ENTPD1: variants seen among roughly 807,000 people sequenced by gnomAD.
ENTPD1 encodes the protein ATP diphosphohydrolase.
In ENTPD1, 33 loss-of-function variants were observed where a neutral mutation model predicts 57.0. That is an observed-to-expected ratio of 0.58 (90% CI 0.44 to 0.77). ENTPD1 has a LOEUF of 0.77. Among genes scored for constraint, ENTPD1 ranks in the 30% least tolerant of loss-of-function variants. The probability of loss-of-function intolerance (pLI) is 0.00; values close to 1 mark genes in which losing one functional copy is unlikely to be tolerated. For synonymous variants in ENTPD1, 202 were observed against 218.8 expected (o/e 0.92, Z 0.68); for missense variants, 501 against 603.4 (o/e 0.83, Z 1.78).
At chr10:95,820,119 C>T (rs1261010359) in intron 1 of ENTPD1, among the ~76,000 whole-genome samples, 2 of 152,162 alleles carry the variant, frequency 1.3e-5, no homozygotes, top group Non-Finnish European at 2.9e-5. Flanking sequence ...TCTTCTTTGG[C>T]ACCACTTCTG....
At chr10:95,837,111 C>T (rs1318260337) in intron 2 of ENTPD1, among the ~76,000 whole-genome samples, 2 of 152,184 alleles carry the variant, frequency 1.3e-5, no homozygotes, top group African/African-American at 4.8e-5. Flanking sequence ...TCTCAACTAC[C>T]TCACTGTGTA....
intron 1 of ENTPD1, among the ~76,000 whole-genome samples, chr10:95,740,517 CAA>C (rs1177335618): frequency 6.6e-6 from 1 of 152,210 alleles, no homozygotes; most frequent in Non-Finnish European, 1.5e-5. Flanking sequence ...TAGGCCCTAA[CAA>C]GAGAGTCATC....
At chr10:95,750,460 A>G (rs574697091) in intron 1 of ENTPD1, among the ~76,000 whole-genome samples, 1 of 152,004 alleles carries the variant, frequency 6.6e-6, no homozygotes, top group African/African-American at 2.4e-5. Context: ...TTGCTATGTG[A>G]TGTACCAGCT....
chr10:95,803,291 C>A (rs1303005286), intron 1 of ENTPD1, among the ~76,000 whole-genome samples: 1 of 152,174 alleles, frequency 6.6e-6, no homozygotes, highest in African/African-American at 2.4e-5. Context: ...ACACTGTCTT[C>A]CACAATGGTT....
rs551718585 is a variant in ENTPD1, at chr10:95,750,605, T to G, written c.37+38612T>G. ...TTATAAATTACCCAGTCTCAGGTATTTCTTTATTGCAATGCAAAAATGGCC... is the reference window on the plus strand; with the variant it reads ...TTATAAATTACCCAGTCTCAGGTATGTCTTTATTGCAATGCAAAAATGGCC... On this transcript the variant is annotated intron_variant, in intron 1 of 9. Transcript: ENST00000453258. 1.2e-4 allele frequency among the ~76,000 whole-genome samples: 18 copies of G among 152,278 alleles called. No homozygotes were observed. In the Middle Eastern group the frequency reaches 0.017, roughly 144 times the overall value.
At chr10:95,725,436 T>C (rs906405783) in intron 1 of ENTPD1, among the ~76,000 whole-genome samples, 6 of 152,220 alleles carry the variant, frequency 3.9e-5, no homozygotes, top group Admixed American at 2.6e-4. Flanking sequence ...ACTGGACATA[T>C]GAACTAATAT....
the ENTPD1 span, among the ~76,000 whole-genome samples, chr10:95,699,939 G>A: frequency 6.6e-6 from 1 of 152,260 alleles, no homozygotes; most frequent in African/African-American, 2.4e-5. Context: ...CAGAACTAGC[G>A]ATAGCAAGTA....
At chr10:95,855,504 G>T (rs1423073661) in intron 7 of ENTPD1, among the ~76,000 whole-genome samples, 1 of 150,764 alleles carries the variant, frequency 6.6e-6, no homozygotes, top group Non-Finnish European at 1.5e-5. Flanking sequence ...TATTTTGCTC[G>T]TTAGTTGATG....
At chr10:95,701,114 C>T in the ENTPD1 span, among the ~76,000 whole-genome samples, 50 of 152,060 alleles carry the variant, frequency 3.3e-4, no homozygotes, top group Non-Finnish European at 5.9e-4. Context: ...TCTTAATAGG[C>T]AAATGCTAAT....
chr10:95,731,907 C>T (rs903378857), intron 1 of ENTPD1, among the ~76,000 whole-genome samples: 3 of 149,954 alleles, frequency 2.0e-5, no homozygotes, highest in African/African-American at 4.9e-5. Flanking sequence ...CTCAGCTTCC[C>T]GAGTACCTGC....
At chr10:95,792,486 T>C (rs2077898318) in intron 1 of ENTPD1, among the ~76,000 whole-genome samples, 2 of 152,154 alleles carry the variant, frequency 1.3e-5, no homozygotes, top group East Asian at 1.9e-4. Flanking sequence ...GTTACTTTCA[T>C]TGTGGGCATA....
chr10:95,843,742 A>G (rs998637056), intron 4 of ENTPD1, among the ~76,000 whole-genome samples: 1 of 152,198 alleles, frequency 6.6e-6, no homozygotes, highest in Non-Finnish European at 1.5e-5. Flanking sequence ...AGCTGGGGAT[A>G]AAAGGAAGGC....
At chr10:95,721,701 CG>C (rs1189879228) in intron 1 of ENTPD1, among the ~76,000 whole-genome samples, 1 of 149,604 alleles carries the variant, frequency 6.7e-6, no homozygotes, top group Non-Finnish European at 1.5e-5. Flanking sequence ...AAAAAAAAAC[CG>C]GGATGCCATC....
the ENTPD1 span, among the ~76,000 whole-genome samples, chr10:95,706,285 C>G: frequency 2.6e-5 from 4 of 152,256 alleles, no homozygotes; most frequent in South Asian, 4.2e-4. Flanking sequence ...CCTCTGTGGC[C>G]AGTAGCGCCT....
At chr10:95,862,166 G>T (rs569305411) in intron 8 of ENTPD1, among the ~76,000 whole-genome samples, 4 of 152,098 alleles carry the variant, frequency 2.6e-5, no homozygotes, top group African/African-American at 9.7e-5. Flanking sequence ...AGCTAAGAAG[G>T]GCCTGCATTT....
At chr10:95,709,020 TGA>T (rs1566082788), upstream of ENTPD1, among the ~76,000 whole-genome samples, 1 of 152,236 alleles carries the variant, frequency 6.6e-6, no homozygotes, top group Non-Finnish European at 1.5e-5. Flanking sequence ...TGTCATCAGC[TGA>T]GACTTTTTAA....
At chr10:95,757,572 A>G (rs1005939028) in intron 1 of ENTPD1, among the ~76,000 whole-genome samples, 10 of 152,232 alleles carry the variant, frequency 6.6e-5, no homozygotes, top group African/African-American at 2.4e-4. Flanking sequence ...ACTCAAGTTC[A>G]CATACATTTT....
intron 1 of ENTPD1, among the ~76,000 whole-genome samples, chr10:95,726,561 C>T (rs569534610): frequency 2.6e-5 from 4 of 152,154 alleles, no homozygotes; most frequent in Non-Finnish European, 4.4e-5. Context: ...TCTGTGTTGA[C>T]AATTCTTTTA....
chr10:95,755,729 A>C, upstream of ENTPD1: 1 of 1,537,262 alleles, frequency 6.5e-7, no homozygotes, highest in Non-Finnish European at 8.7e-7. Flanking sequence ...GGAGGGAAGA[A>C]CTGTTCTTGA....
Sources: gnomAD v4.1 joint callset for allele counts (sites outside exome capture counted in the v4.1 genomes callset) on GRCh38, gnomAD v4.1.1 for gene constraint, MANE v1.5 for transcripts, NCBI Gene and HGNC (gene_info 2026-07-23, HGNC 2026-07-21) for gene names.